The following UBAP1L variants were observed in gnomAD, a reference collection of about 807,000 sequenced individuals.
The protein encoded by UBAP1L is ubiquitin associated protein 1 like, also known as ubiquitin-associated protein 1-like.
UBAP1L carries 32 observed loss-of-function variants against 32.1 expected under a neutral mutation model. That is an observed-to-expected ratio of 1.00 (90% CI 0.75 to 1.34). The LOEUF is 1.34. UBAP1L is among the 40% of genes most tolerant of loss of function. The pLI, the probability that UBAP1L is intolerant of heterozygous loss-of-function variation, is 0.00. For synonymous variants in UBAP1L, 243 were observed against 250.2 expected (o/e 0.97, Z 0.27); for missense variants, 516 against 540.5 (o/e 0.95, Z 0.45).
In UBAP1L at chr15:65,099,719, A is replaced by C. The variant is rs1428723623; in HGVS notation, c.700-5T>G. ...ACAGGTGTACGGGCTGAGGGACTGAAATACAGACAGACTGGACATGTCAGT... is the reference window on the plus strand; with the variant it reads ...ACAGGTGTACGGGCTGAGGGACTGACATACAGACAGACTGGACATGTCAGT... On this transcript the variant is annotated splice_polypyrimidine_tract_variant and splice_region_variant and intron_variant, in intron 3 of 5. Transcript: ENST00000559089. The C allele has an allele frequency of 1.4e-5, 22 of 1,544,248 alleles. 1 individual carries two copies. The highest frequency in any genetic ancestry group is 1.9e-5 in the Non-Finnish European group (22 of 1,142,152).
chr15:65,114,155 A>G (rs943994959), intron 1 of UBAP1L, among the ~76,000 whole-genome samples: 1 of 149,156 alleles, frequency 6.7e-6, no homozygotes, highest in Non-Finnish European at 1.5e-5. Flanking sequence ...AAGTGCTGGG[A>G]TTACAGGCAT....
chr15:65,093,109 G>T lies in UBAP1L; in HGVS notation c.1134C>A (p.Ala378=). ...AGTGCCTCCGTGGTCACTGGGCACA[G>T]GCCACCAGCTCCTCCAGGGCTTGCT... ...RREQALEELV[A]CAQ is the part of the protein sequence containing the mutation. Residue 378 remains alanine, a synonymous_variant, in exon 6 of 6, where the codon GCC becomes GCA. Transcript: ENST00000559089. 1 of 1,548,820 alleles carries T rather than the reference G, an allele frequency of 6.5e-7. No individual in the cohort carries two copies.
Position 65,094,214 on chromosome 15 carries a change from A to C in UBAP1L, c.1011+261T>G, listed in dbSNP as rs1177609608. Among the ~76,000 whole-genome samples the C allele has an allele frequency of 6.6e-6, 1 of 152,036 alleles. No individual in the cohort carries two copies. The highest frequency in any genetic ancestry group is 6.5e-5 in the Admixed American group (1 of 15,274). ...GAGGCTGTGTTGATTAAGTCTAATAAAGCAAAACCCCTGCTGCTCTCTGCC... is the reference window on the plus strand; with the variant it reads ...GAGGCTGTGTTGATTAAGTCTAATACAGCAAAACCCCTGCTGCTCTCTGCC... On this transcript the variant is annotated intron_variant, in intron 5 of 5. Transcript: ENST00000559089. The surrounding 1 kb of genome is among the most constrained non-coding windows in gnomAD (Gnocchi z 4.2).
At chr15:65,098,718 A>G (rs1373601464) in intron 4 of UBAP1L, 1 of 152,224 alleles carries the variant, frequency 6.6e-6, no homozygotes, top group Non-Finnish European at 1.5e-5. Context: ...TTCAGCCCCA[A>G]GTAAGTCACC....
At chr15:65,100,236 CTCTG>C (rs1354164391) in intron 3 of UBAP1L, 1 of 122,346 alleles carries the variant, frequency 8.2e-6, no homozygotes, top group Non-Finnish European at 1.8e-5. Context: ...AACAGCCAAA[CTCTG>C]TCTCAAAAAA....
rs1299228263 is a variant in UBAP1L at position 65,098,037 on chromosome 15, C to T, written c.909+1468G>A. 2.6e-5 allele frequency: 4 copies of T among 152,182 alleles called. 1 individual carries two copies. Among genetic ancestry groups the T allele is most frequent in the Non-Finnish European group, 5.9e-5 (4 of 68,062 alleles). The allele number at this position is 152,182 out of a possible 1,614,324, so 9.4% of individuals were successfully genotyped here. A position where few individuals can be genotyped will look rare whatever the true frequency, so the allele number is the denominator to read the frequency against. On this transcript the variant is annotated intron_variant, in intron 4 of 5. Transcript: ENST00000559089. ...AAGAGTCCCGATGTTTAGAAAACCA[C>T]GCAACGAAGGATGTTACTTTCAGGT...
intron 1 of UBAP1L, among the ~76,000 whole-genome samples, chr15:65,111,689 T>C (rs1439387678): frequency 6.6e-6 from 1 of 151,762 alleles, no homozygotes; most frequent in Admixed American, 6.6e-5. Flanking sequence ...TTCGCCATAC[T>C]GGTCAGGCTG....
intron 5 of UBAP1L, among the ~76,000 whole-genome samples, chr15:65,093,455 G>A (rs2087140517): frequency 6.6e-6 from 1 of 152,214 alleles, no homozygotes; most frequent in Non-Finnish European, 1.5e-5. Context: ...GCCCCAGCCT[G>A]GCCATGGGCT....
At chr15:65,112,704 A>G (rs764357995) in intron 1 of UBAP1L, among the ~76,000 whole-genome samples, 2 of 152,202 alleles carry the variant, frequency 1.3e-5, no homozygotes, top group African/African-American at 2.4e-5. Context: ...ACTCATAAAC[A>G]CAACTGCCTA....
chr15:65,102,814 C>T lies in UBAP1L; in HGVS notation c.121-130G>A. 1 of 846,472 alleles carries T rather than the reference C, an allele frequency of 1.2e-6. No individual in the cohort carries two copies. The highest frequency in any genetic ancestry group is 1.7e-6 in the Non-Finnish European group (1 of 577,016). 52.4% of individuals were successfully genotyped at this position (846,472 alleles called of 1,614,324 possible). On this transcript the variant is annotated intron_variant, in intron 2 of 5. Coordinates refer to ENST00000559089, the MANE Select transcript of UBAP1L (RefSeq NM_001163692.2). This position sits in a 1 kb window ranked among gnomAD's most constrained non-coding sequence, Gnocchi z 5.0. ...CTGGACAGCGTCAGATTCTGAGCCCCGGGCTTCCATCACAGCCCACTCTAC... is the reference window on the plus strand; with the variant it reads ...CTGGACAGCGTCAGATTCTGAGCCCTGGGCTTCCATCACAGCCCACTCTAC...
At chr15:65,114,306 A>G (rs1304024450) in intron 1 of UBAP1L, among the ~76,000 whole-genome samples, 1 of 151,976 alleles carries the variant, frequency 6.6e-6, no homozygotes, top group African/African-American at 2.4e-5. Flanking sequence ...TTTCAACTAA[A>G]TGTGTCACAG....
intron 1 of UBAP1L, among the ~76,000 whole-genome samples, chr15:65,107,827 A>G (rs1005342455): frequency 6.6e-6 from 1 of 152,030 alleles, no homozygotes; most frequent in Non-Finnish European, 1.5e-5. Context: ...CACAAGATGT[A>G]TGAGACCGCT....
Position 65,092,945 on chromosome 15 carries a change from G to T in UBAP1L, c.*152C>A. 3 of 1,091,474 alleles carry T rather than the reference G, an allele frequency of 2.7e-6. No individual in the cohort carries two copies. In the East Asian group the frequency reaches 8.2e-5, roughly 30 times the overall value. The allele number at this position is 1,091,474 out of a possible 1,614,324, so 67.6% of individuals were successfully genotyped here. Reference sequence around the variant, plus strand: ...TTCAACTCTTTCAGCAGATTCTGCTGCTGTTAACTGTCACCCTTGGTATTA... The same window carrying T: ...TTCAACTCTTTCAGCAGATTCTGCTTCTGTTAACTGTCACCCTTGGTATTA... On this transcript the variant is annotated 3_prime_UTR_variant, in exon 6 of 6. Transcript: ENST00000559089.
At chr15:65,104,875 T>C in intron 2 of UBAP1L, 1 of 386,730 alleles carries the variant, frequency 2.6e-6, no homozygotes, top group Non-Finnish European at 5.1e-6. Flanking sequence ...GCTTTGGTGG[T>C]GCATGCCTGT....
chr15:65,102,833 A>G lies in UBAP1L; in HGVS notation c.121-149T>C, dbSNP rs866199632. 1 of 694,752 alleles carries G rather than the reference A, an allele frequency of 1.4e-6. No homozygotes were observed. Among genetic ancestry groups the G allele is most frequent in the Non-Finnish European group, 2.3e-6 (1 of 439,360 alleles). The allele number at this position is 694,752 out of a possible 1,614,324, so 43.0% of individuals were successfully genotyped here. On this transcript the variant is annotated intron_variant, in intron 2 of 5. Coordinates refer to ENST00000559089, the MANE Select transcript of UBAP1L (RefSeq NM_001163692.2). This position sits in a 1 kb window ranked among gnomAD's most constrained non-coding sequence, Gnocchi z 5.0. ...GAGCCCCGGGCTTCCATCACAGCCC[A>G]CTCTACCCTGGGTTTTAGCTAACAC...
At chr15:65,105,950 C>G (rs2087304873) in intron 2 of UBAP1L, 146 bp downstream of exon 2, 5 of 1,176,308 alleles carry the variant, frequency 4.3e-6, no homozygotes, top group Admixed American at 4.9e-5. Context: ...GTCACCACAC[C>G]CAGCTAATTT....
intron 4 of UBAP1L, chr15:65,096,904 TC>T (rs1252064409): frequency 6.6e-6 from 1 of 152,298 alleles, no homozygotes; most frequent in Non-Finnish European, 1.5e-5. Flanking sequence ...CTGTCATTTA[TC>T]TTGGCCAAAA....
At chr15:65,110,702 AG>A (rs1422859455) in intron 1 of UBAP1L, among the ~76,000 whole-genome samples, 17 of 148,368 alleles carry the variant, frequency 1.1e-4, no homozygotes, top group African/African-American at 4.1e-4. Context: ...AAAAAAAAAA[AG>A]AAAAGAAAAG....
chr15:65,098,477 T>C (rs1343294627), intron 4 of UBAP1L: 5 of 152,142 alleles, frequency 3.3e-5, no homozygotes, highest in African/African-American at 1.2e-4. Context: ...TTGCACCCTC[T>C]CCCACCAAGA....
Sources: allele counts gnomAD v4.1 joint callset (sites outside exome capture counted in the v4.1 genomes callset), GRCh38; gene constraint gnomAD v4.1.1; non-coding constraint Gnocchi (gnomAD v3.1); transcripts MANE v1.5; gene names NCBI Gene and HGNC (gene_info 2026-07-23, HGNC 2026-07-21).